The following GPHN variants were observed in gnomAD, a reference collection of about 807,000 sequenced individuals.
GPHN encodes the protein gephyrin.
GPHN carries 17 observed loss-of-function variants against 95.5 expected under a neutral mutation model. That is an observed-to-expected ratio of 0.18 (90% CI 0.12 to 0.27). The LOEUF (loss-of-function observed/expected upper bound fraction) is 0.27, where lower values mean the gene tolerates loss of function less well. Ranked by LOEUF, GPHN falls within the 10% of genes least tolerant of loss-of-function variation. The pLI, the probability that GPHN is intolerant of heterozygous loss-of-function variation, is 1.00. For missense variants in GPHN, 660 were observed against 978.1 expected (o/e 0.67, Z 4.34); for synonymous variants, 320 against 322.5 (o/e 0.99, Z 0.08).
At chr14:67,600,251 G>GC in the GPHN span, 1 of 1,448,954 alleles carries the variant, frequency 6.9e-7, no homozygotes, top group Non-Finnish European at 9.1e-7. Context: ...CACTGCGCTC[G>GC]CCGGCCCTGG....
the GPHN span, among the ~76,000 whole-genome samples, chr14:67,209,945 C>T: frequency 3.3e-5 from 5 of 151,924 alleles, no homozygotes; most frequent in South Asian, 1.0e-3. Context: ...AAATTTACTC[C>T]AGAAGACAAC....
chr14:67,594,068 T>A, the GPHN span: 2 of 677,110 alleles, frequency 3.0e-6, no homozygotes, highest in East Asian at 5.4e-5. Context: ...GGTTCTAAGG[T>A]GCTATGAAAG....
At chr14:66,989,865 T>G (rs951820726) in intron 9 of GPHN, among the ~76,000 whole-genome samples, 1 of 152,134 alleles carries the variant, frequency 6.6e-6, no homozygotes, top group Non-Finnish European at 1.5e-5. Context: ...TAGACTATAT[T>G]AGACAGGTTT....
chr14:67,219,345 C>T, the GPHN span, among the ~76,000 whole-genome samples: 1 of 152,188 alleles, frequency 6.6e-6, no homozygotes, highest in Non-Finnish European at 1.5e-5. Context: ...ATATAGGTGC[C>T]TCCACACTAC....
chr14:66,620,456 G>A (rs893291491), intron 1 of GPHN, among the ~76,000 whole-genome samples: 4 of 152,140 alleles, frequency 2.6e-5, no homozygotes, highest in African/African-American at 7.2e-5. Context: ...GGCAGGCAAA[G>A]AGTGAACCTG....
At chr14:67,562,112 G>A in the GPHN span, 1 of 1,611,546 alleles carries the variant, frequency 6.2e-7, no homozygotes, top group Non-Finnish European at 8.5e-7. Flanking sequence ...AGCTCTCAAT[G>A]TGACTGTTTT....
intron 3 of GPHN, among the ~76,000 whole-genome samples, chr14:66,781,470 G>A (rs1049598811): frequency 2.6e-5 from 4 of 151,944 alleles, no homozygotes; most frequent in Non-Finnish European, 4.4e-5. Context: ...CACCTGCCTC[G>A]GCCTCCCAAA....
At chr14:66,951,030 T>G (rs1356923608) in intron 8 of GPHN, among the ~76,000 whole-genome samples, 2 of 152,068 alleles carry the variant, frequency 1.3e-5, no homozygotes, top group African/African-American at 4.8e-5. Context: ...GATCAAGCGA[T>G]TCTCCTGCCT....
chr14:66,557,277 AT>A (rs2060046375), intron 1 of GPHN, among the ~76,000 whole-genome samples: 1 of 151,450 alleles, frequency 6.6e-6, no homozygotes, highest in South Asian at 2.1e-4. Context: ...AGATAGATAG[AT>A]AGATAGAATG....
At chr14:66,850,719 G>A (rs1183296763) in intron 4 of GPHN, among the ~76,000 whole-genome samples, 2 of 152,062 alleles carry the variant, frequency 1.3e-5, no homozygotes, top group Non-Finnish European at 2.9e-5. Context: ...GACCCAAAAT[G>A]TTAATGCAGA....
intron 3 of GPHN, among the ~76,000 whole-genome samples, chr14:66,782,204 C>T (rs2059629575): frequency 6.6e-6 from 1 of 152,126 alleles, no homozygotes; most frequent in Non-Finnish European, 1.5e-5. Flanking sequence ...GTATCTCATA[C>T]TAAATTTTCC....
the GPHN span, among the ~76,000 whole-genome samples, chr14:67,567,891 G>A: frequency 4.6e-5 from 7 of 152,332 alleles, no homozygotes; most frequent in African/African-American, 1.7e-4. Flanking sequence ...TAGGCTCAGT[G>A]GAGCAAACAG....
the GPHN span, among the ~76,000 whole-genome samples, chr14:67,366,231 C>T: frequency 2.6e-5 from 4 of 152,070 alleles, no homozygotes; most frequent in Non-Finnish European, 4.4e-5. Flanking sequence ...CAGGCATGTG[C>T]CACCCTGCCC....
chr14:67,412,410 G>A, the GPHN span, among the ~76,000 whole-genome samples: 1 of 152,282 alleles, frequency 6.6e-6, no homozygotes, highest in East Asian at 1.9e-4. Context: ...GGCACTTAGC[G>A]CATTGCCCTC....
chr14:66,805,722 A>G (rs1180409923), intron 3 of GPHN, among the ~76,000 whole-genome samples: 5 of 152,176 alleles, frequency 3.3e-5, no homozygotes, highest in African/African-American at 1.2e-4. Context: ...ATGTCTCACA[A>G]CCAGGCCACA....
chr14:67,048,189 C>G (rs2075131276), intron 10 of GPHN, among the ~76,000 whole-genome samples: 1 of 152,156 alleles, frequency 6.6e-6, no homozygotes, highest in South Asian at 2.1e-4. Context: ...TAGATAGTGT[C>G]ATTAGTATTT....
At chr14:66,951,514 CAA>C (rs34837551) in intron 8 of GPHN, among the ~76,000 whole-genome samples, 10 of 63,790 alleles carry the variant, frequency 1.6e-4, no homozygotes, top group Non-Finnish European at 1.6e-4. Flanking sequence ...AACTTCATCT[CAA>C]AAAAAAAAAA....
intron 1 of GPHN, among the ~76,000 whole-genome samples, chr14:66,571,682 G>T (rs1446054536): frequency 1.3e-5 from 2 of 152,046 alleles, no homozygotes; most frequent in African/African-American, 4.8e-5. Context: ...GTGGTGGCAG[G>T]CACCTCTAAT....
the GPHN span, chr14:67,578,552 CTG>C: frequency 6.2e-7 from 1 of 1,610,754 alleles, no homozygotes; most frequent in African/African-American, 1.3e-5. The surrounding 1 kb of genome is among the most constrained non-coding windows in gnomAD (Gnocchi z 5.0). Flanking sequence ...GCTCCTCGCT[CTG>C]TGTGCTCCAC....
Sources: allele counts gnomAD v4.1 joint callset (sites outside exome capture counted in the v4.1 genomes callset), GRCh38; gene constraint gnomAD v4.1.1; non-coding constraint Gnocchi (gnomAD v3.1); transcripts MANE v1.5; gene names NCBI Gene and HGNC (gene_info 2026-07-23, HGNC 2026-07-21).